Variants in SLC9C2 observed in about 807,000 individuals in gnomAD.
SLC9C2 encodes the protein solute carrier family 9 member C2 (putative).
Under a neutral mutation model 140.2 loss-of-function variants are expected in SLC9C2, and 75 were observed. The ratio of observed to expected loss-of-function variants is 0.53; its 90% confidence interval spans 0.44 to 0.65. The LOEUF (loss-of-function observed/expected upper bound fraction) is 0.65. Among genes scored for constraint, SLC9C2 ranks in the 30% least tolerant of loss-of-function variants. The probability of loss-of-function intolerance (pLI) is 0.00; values close to 1 mark genes in which losing one functional copy is unlikely to be tolerated. For synonymous variants in SLC9C2, 375 were observed against 420.9 expected (o/e 0.89, Z 1.34); for missense variants, 1,074 against 1,331.8 (o/e 0.81, Z 3.01).
Position 173,534,675 on chromosome 1 carries a change from T to C in SLC9C2, c.1783A>G (p.Thr595Ala), listed in dbSNP as rs1661816335. Residue 595 changes from threonine (T) to alanine (A), a missense_variant, in exon 16 of 28, where the codon ACA (threonine) becomes GCA (alanine). Transcript: ENST00000367714. ...KIHFIPPESNTFLTFIFHIVF... is the reference protein window; with the variant it reads ...KIHFIPPESNAFLTFIFHIVF... ...ATGTGAAATATAAAAGTCAGAAATG[T>C]ATTACTCCTGAAAAGAGATCAAATA... 6 of 1,500,668 alleles carry C rather than the reference T, an allele frequency of 4.0e-6. No individual in the cohort carries two copies. The highest frequency in any genetic ancestry group is 1.4e-5 in the African/African-American group (1 of 69,488). The allele number at this position is 1,500,668 out of a possible 1,614,324, so 93.0% of individuals were successfully genotyped here.
chr1:173,515,403 C>T (rs1184626551), intron 23 of SLC9C2, among the ~76,000 whole-genome samples: 2 of 152,154 alleles, frequency 1.3e-5, no homozygotes, highest in Non-Finnish European at 2.9e-5. Context: ...CTTATTTCAG[C>T]AAGATGGTCT....
intron 8 of SLC9C2, among the ~76,000 whole-genome samples, chr1:173,575,739 G>C (rs1440312852): frequency 6.6e-6 from 1 of 152,022 alleles, no homozygotes; most frequent in Non-Finnish European, 1.5e-5. Context: ...ACCACGCCCG[G>C]CTAATTTTTT....
chr1:173,580,116 C>T (rs543870787), intron 7 of SLC9C2, among the ~76,000 whole-genome samples: 5 of 152,246 alleles, frequency 3.3e-5, no homozygotes, highest in Admixed American at 2.0e-4. Context: ...AAGGTTGGGG[C>T]GGTAGAGGGA....
chr1:173,515,606 T>C (rs1558019238), intron 23 of SLC9C2, among the ~76,000 whole-genome samples: 1 of 152,232 alleles, frequency 6.6e-6, no homozygotes, highest in Non-Finnish European at 1.5e-5. Flanking sequence ...GGTTTGAACA[T>C]GCTCCTTTAG....
intron 9 of SLC9C2, among the ~76,000 whole-genome samples, chr1:173,564,354 A>G (rs961247098): frequency 2.0e-5 from 3 of 152,132 alleles, no homozygotes; most frequent in Admixed American, 6.5e-5. Context: ...CCACATCCTT[A>G]CCATCATTTG....
At chr1:173,588,620 C>T (rs986076793) in intron 4 of SLC9C2, among the ~76,000 whole-genome samples, 3 of 151,952 alleles carry the variant, frequency 2.0e-5, no homozygotes, top group African/African-American at 7.3e-5. Context: ...ATAAACACAA[C>T]TTGATCATGT....
chr1:173,508,237 A>G (rs1477744077), intron 24 of SLC9C2, among the ~76,000 whole-genome samples: 4 of 152,188 alleles, frequency 2.6e-5, no homozygotes, highest in Middle Eastern at 3.4e-3. Context: ...ATTTAGAGGG[A>G]AAAAAATCTT....
intron 23 of SLC9C2, among the ~76,000 whole-genome samples, chr1:173,514,595 A>G (rs1660289748): frequency 6.6e-6 from 1 of 152,014 alleles, no homozygotes; most frequent in Admixed American, 6.6e-5. Flanking sequence ...CTCTTTATCC[A>G]ATTTGCCAGT....
chr1:173,542,154 C>T (rs997563688), intron 13 of SLC9C2, among the ~76,000 whole-genome samples: 2 of 152,036 alleles, frequency 1.3e-5, no homozygotes, highest in Non-Finnish European at 1.5e-5. Flanking sequence ...CACATAGATG[C>T]AATAAAAAAT....
rs1298193076 is a variant in SLC9C2 at position 173,533,679 on chromosome 1, T to C, written c.2093A>G (p.Asn698Ser). Residue 698 changes from asparagine to serine, a missense_variant, in exon 17 of 28, where the codon AAC becomes AGC. By Grantham distance (46) the Asn-to-Ser change is conservative. Coordinates refer to ENST00000367714, the MANE Select transcript of SLC9C2 (RefSeq NM_178527.4). ...TACTGTAAGCTGTATAAGAGCCAAG[T>C]TGTCTGGTCTCAATTTCACAAAGTA... The part of the protein sequence containing the change: ...CVYFVKLRPD[N>S]LALIQLTVIM... The C allele has an allele frequency of 6.2e-7, 1 of 1,612,322 alleles. No individual in the cohort carries two copies. The highest frequency in any genetic ancestry group is 8.5e-7 in the Non-Finnish European group (1 of 1,178,720).
chr1:173,552,450 T>TAGCTTCAA, intron 11 of SLC9C2, among the ~76,000 whole-genome samples: 1 of 152,252 alleles, frequency 6.6e-6, no homozygotes, highest in East Asian at 1.9e-4. Context: ...AGCCAATGCC[T>TAGCTTCAA]AGCTTCAAAG....
intron 7 of SLC9C2, among the ~76,000 whole-genome samples, chr1:173,579,617 T>G (rs1291975209): frequency 6.6e-6 from 1 of 152,238 alleles, no homozygotes; most frequent in East Asian, 1.9e-4. Flanking sequence ...CTTATACTCC[T>G]TCACAGAAAT....
chr1:173,526,995 C>T (rs1040438255), intron 18 of SLC9C2, among the ~76,000 whole-genome samples: 11 of 151,928 alleles, frequency 7.2e-5, no homozygotes, highest in South Asian at 2.1e-4. Context: ...CAAGTGTGAG[C>T]GACCACACCC....
chr1:173,526,686 T>G lies in SLC9C2; in HGVS notation c.2342A>C (p.Lys781Thr). Residue 781 changes from lysine to threonine, a missense_variant, in exon 19 of 28, where the codon AAA (lysine) becomes ACA (threonine). Physicochemically the swap from Lys to Thr is moderately conservative, Grantham distance 78. Transcript: ENST00000367714. ...QKLCEILETN[K>T]QDAVKELVLM... Reference sequence around the variant, plus strand: ...ACCTAATTCTTTGACAGCATCCTGTTTGTTGGTTTCCAAAATTTCACATAG... The same window carrying G: ...ACCTAATTCTTTGACAGCATCCTGTGTGTTGGTTTCCAAAATTTCACATAG... The G allele has an allele frequency of 1.3e-6, 2 of 1,597,010 alleles. No homozygotes were observed. Among genetic ancestry groups the G allele is most frequent in the South Asian group, 2.3e-5 (2 of 86,154 alleles).
chr1:173,526,572 C>G, intron 19 of SLC9C2, 91 bp downstream of exon 19: 1 of 1,154,650 alleles, frequency 8.7e-7, no homozygotes, highest in Non-Finnish European at 1.3e-6. Context: ...AATGAATGAG[C>G]AAGTAAATGA....
chr1:173,527,178 A>C (rs1294696978), intron 18 of SLC9C2, among the ~76,000 whole-genome samples: 1 of 152,160 alleles, frequency 6.6e-6, no homozygotes, highest in African/African-American at 2.4e-5. Context: ...AAAAGGAAGT[A>C]TGGTAGAGGA....
intron 13 of SLC9C2, among the ~76,000 whole-genome samples, chr1:173,543,393 T>G (rs891290106): frequency 1.3e-5 from 2 of 152,194 alleles, no homozygotes; most frequent in African/African-American, 4.8e-5. Context: ...TGCTCATAGA[T>G]AGGAGGAATC....
intron 18 of SLC9C2, among the ~76,000 whole-genome samples, 173 bp from the exon 19 acceptor site, chr1:173,526,887 C>T (rs1443705163): frequency 2.0e-5 from 3 of 152,042 alleles, no homozygotes; most frequent in East Asian, 1.9e-4. Flanking sequence ...GCTCTGTTGC[C>T]GAGGTTGGAG....
intron 19 of SLC9C2, among the ~76,000 whole-genome samples, chr1:173,525,322 T>G (rs1044793046): frequency 6.6e-6 from 1 of 152,208 alleles, no homozygotes; most frequent in Non-Finnish European, 1.5e-5. Flanking sequence ...GGTGGGTCTT[T>G]CTGAGATCAA....
Sources: allele counts gnomAD v4.1 joint callset (sites outside exome capture counted in the v4.1 genomes callset), GRCh38; gene constraint gnomAD v4.1.1; transcripts MANE v1.5; gene names NCBI Gene and HGNC (gene_info 2026-07-23, HGNC 2026-07-21).